The following RAB35 variants were observed in gnomAD, a reference collection of about 807,000 sequenced individuals.
RAB35 encodes the protein RAB35, member RAS oncogene family, also known as ras-related protein Rab-35.
In RAB35, 4 loss-of-function variants were observed where a neutral mutation model predicts 28.9. The ratio of observed to expected loss-of-function variants is 0.14; its 90% confidence interval spans 0.07 to 0.32. The LOEUF is 0.32. Among genes scored for constraint, RAB35 ranks in the 10% least tolerant of loss-of-function variants. The pLI, the probability that RAB35 is intolerant of heterozygous loss-of-function variation, is 1.00. For synonymous variants in RAB35, 99 were observed against 105.1 expected, an observed-to-expected ratio of 0.94 and a Z score of 0.35; for missense variants, 128 against 274.0, an observed-to-expected ratio of 0.47 and a Z score of 3.76.
intron 1 of RAB35, among the ~76,000 whole-genome samples, chr12:120,112,267 T>C (rs1196561747): frequency 4.0e-5 from 6 of 150,128 alleles, no homozygotes; most frequent in Non-Finnish European, 7.4e-5. Context: ...AGTGAGCTAC[T>C]GCTCCCGGCC....
intron 1 of RAB35, among the ~76,000 whole-genome samples, chr12:120,112,907 T>G (rs1192290173): frequency 6.7e-6 from 1 of 149,480 alleles, no homozygotes; most frequent in Non-Finnish European, 1.5e-5. Flanking sequence ...TTTTTTTTTT[T>G]GAGATGAAGT....
intron 1 of RAB35, among the ~76,000 whole-genome samples, chr12:120,116,070 T>C (rs1876319942): frequency 6.6e-6 from 1 of 152,184 alleles, no homozygotes; most frequent in Non-Finnish European, 1.5e-5. Flanking sequence ...ACGTCCTCAT[T>C]TTAGATGGGA....
chr12:120,101,547 G>A (rs944332892), intron 3 of RAB35, among the ~76,000 whole-genome samples: 3 of 152,208 alleles, frequency 2.0e-5, no homozygotes, highest in East Asian at 1.9e-4. Flanking sequence ...AAAAAGTCAC[G>A]CTACTGCATC....
In RAB35 at chr12:120,108,891, T is replaced by C. The variant is rs113480645; in HGVS notation, c.53-424A>G. 2.0e-3 allele frequency among the ~76,000 whole-genome samples: 307 copies of C among 152,274 alleles called. 1 individual carries two copies. The highest frequency in any genetic ancestry group is 6.5e-3 in the African/African-American group (270 of 41,564). On this transcript the variant is annotated intron_variant, in intron 1 of 5. Coordinates refer to ENST00000229340, the MANE Select transcript of RAB35 (RefSeq NM_006861.7). Reference sequence around the variant, plus strand: ...ACATCAGTTAGGGAGCCGCCCAAAATGAAGAGCTGTAGAGCGGGAAAGGAC... The same window carrying C: ...ACATCAGTTAGGGAGCCGCCCAAAACGAAGAGCTGTAGAGCGGGAAAGGAC...
chr12:120,108,299 C>T (rs1172972689), intron 2 of RAB35, 118 bp downstream of exon 2: 3 of 1,066,020 alleles, frequency 2.8e-6, no homozygotes, highest in Middle Eastern at 2.6e-4. Flanking sequence ...CCTCCTCTGG[C>T]AACCAGAATG....
At chr12:120,116,292 G>A (rs1199753905) in intron 1 of RAB35, among the ~76,000 whole-genome samples, 1 of 152,172 alleles carries the variant, frequency 6.6e-6, no homozygotes, top group Non-Finnish European at 1.5e-5. Context: ...CGAGGCAGGT[G>A]GTAGTCCTGA....
chr12:120,096,311 G>T lies in RAB35; in HGVS notation c.*934C>A. The T allele has an allele frequency of 1.3e-6, 1 of 748,642 alleles. No homozygotes were observed. Among genetic ancestry groups the T allele is most frequent in the Non-Finnish European group, 1.9e-6 (1 of 534,244 alleles). The allele number at this position is 748,642 out of a possible 1,614,324, so 46.4% of individuals were successfully genotyped here. ...TTTTTTCTAAAAACAGTGGACACAA[G>T]TGGGGTGGCCTCAACTTTTGCTGCT... On this transcript the variant is annotated 3_prime_UTR_variant, in exon 6 of 6. Coordinates refer to ENST00000229340, the MANE Select transcript of RAB35 (RefSeq NM_006861.7).
At chr12:120,098,690 C>T in intron 5 of RAB35, 121 bp downstream of exon 5, 1 of 1,397,636 alleles carries the variant, frequency 7.2e-7, no homozygotes, top group South Asian at 1.3e-5. Flanking sequence ...ATAGTAGGCA[C>T]TCAATAAATG....
At chr12:120,097,511 T>G in intron 5 of RAB35, 138 bp from the exon 6 acceptor site, 3 of 643,968 alleles carry the variant, frequency 4.7e-6, no homozygotes, top group Non-Finnish European at 8.1e-6. Flanking sequence ...TCAAAGCCTA[T>G]TCTAGAAGGA....
intron 5 of RAB35, among the ~76,000 whole-genome samples, chr12:120,098,117 C>G (rs2139047298): frequency 6.6e-6 from 1 of 152,292 alleles, no homozygotes; most frequent in Non-Finnish European, 1.5e-5. Flanking sequence ...ATCTCCTGAC[C>G]TCGTGATCCG....
intron 1 of RAB35, 87 bp downstream of exon 1, chr12:120,116,512 G>C: frequency 3.4e-6 from 3 of 877,056 alleles, no homozygotes; most frequent in Non-Finnish European, 4.1e-6. Flanking sequence ...GCACGGGCCG[G>C]CACCTCCCCG....
intron 1 of RAB35, among the ~76,000 whole-genome samples, chr12:120,113,191 C>CTT (rs545607204): frequency 6.1e-5 from 8 of 132,082 alleles, no homozygotes; most frequent in Non-Finnish European, 6.4e-5. Context: ...TGTGCCCGGC[C>CTT]TTTTTTTTTT....
In RAB35 at chr12:120,103,952, GCA is replaced by G. The variant is rs929735924; in HGVS notation, c.104-5_104-4del. On this transcript the variant is annotated splice_region_variant and splice_polypyrimidine_tract_variant and intron_variant, in intron 2 of 5. Transcript: ENST00000229340. This position sits in a 1 kb window ranked among gnomAD's most constrained non-coding sequence, Gnocchi z 6.1. ...TCCGATCGTGGTGATGTAGCTGCCT[GCA>G]CACACAGGGCAGTTAACGAGGCCCA... 6.2e-7 allele frequency: 1 copy of G among 1,613,772 alleles called. No individual in the cohort carries two copies. The highest frequency in any genetic ancestry group is 8.5e-7 in the Non-Finnish European group (1 of 1,179,936).
At chr12:120,113,232 A>C (rs1876193802) in intron 1 of RAB35, among the ~76,000 whole-genome samples, 1 of 137,222 alleles carries the variant, frequency 7.3e-6, no homozygotes, top group African/African-American at 2.8e-5. Flanking sequence ...TCTCGCTATC[A>C]CTATGTTGCT....
At chr12:120,099,539 C>CA (rs1176571329) in intron 3 of RAB35, 1 of 236,314 alleles carries the variant, frequency 4.2e-6, no homozygotes, top group Non-Finnish European at 8.3e-6. Context: ...TTTGAACATT[C>CA]AAAAAAATAT....
chr12:120,106,343 G>C (rs1282764982), intron 2 of RAB35, among the ~76,000 whole-genome samples: 2 of 152,150 alleles, frequency 1.3e-5, no homozygotes, highest in Non-Finnish European at 2.9e-5. Flanking sequence ...TTAGTCCCAG[G>C]CACTGCAACC....
Position 120,096,787 on chromosome 12 carries a change from C to T in RAB35, c.*458G>A, listed in dbSNP as rs897015911. 18 of 1,290,726 alleles carry T rather than the reference C, an allele frequency of 1.4e-5. No homozygotes were observed. Among genetic ancestry groups the T allele is most frequent in the Middle Eastern group, 2.1e-4 (1 of 4,722 alleles). The allele number at this position is 1,290,726 out of a possible 1,614,324, so 80.0% of individuals were successfully genotyped here. A position where few individuals can be genotyped will look rare whatever the true frequency, so the allele number is the denominator to read the frequency against. ...CAACGCGGAGCCCACTCCACTGGCACGGGCTGGCCGCAGACGCAGCTAGAA... is the reference window on the plus strand; with the variant it reads ...CAACGCGGAGCCCACTCCACTGGCATGGGCTGGCCGCAGACGCAGCTAGAA... On this transcript the variant is annotated 3_prime_UTR_variant, in exon 6 of 6. Transcript: ENST00000229340.
At chr12:120,102,859 C>T (rs993858962) in intron 3 of RAB35, among the ~76,000 whole-genome samples, 6 of 152,174 alleles carry the variant, frequency 3.9e-5, no homozygotes, top group Non-Finnish European at 8.8e-5. Flanking sequence ...AGGAGGTGCC[C>T]GTGGAGCCAG....
chr12:120,112,888 C>A (rs1369971083), intron 1 of RAB35, among the ~76,000 whole-genome samples: 1 of 146,938 alleles, frequency 6.8e-6, no homozygotes, highest in Non-Finnish European at 1.5e-5. Flanking sequence ...CCACGCCCAA[C>A]TGATTTTTTT....
Sources: allele counts gnomAD v4.1 joint callset (sites outside exome capture counted in the v4.1 genomes callset), GRCh38; gene constraint gnomAD v4.1.1; non-coding constraint Gnocchi (gnomAD v3.1); transcripts MANE v1.5; gene names NCBI Gene and HGNC (gene_info 2026-07-23, HGNC 2026-07-21).